The following USH2A variants were observed in gnomAD, a reference collection of about 807,000 sequenced individuals.
USH2A encodes the protein Usher syndrome 2A (autosomal recessive, mild).
Under a neutral mutation model 538.9 loss-of-function variants are expected in USH2A, and 443 were observed. The observed-to-expected ratio is 0.82, with a 90% CI of 0.76 to 0.89. The LOEUF is 0.89. Among genes scored for constraint, USH2A ranks in the 40% least tolerant of loss-of-function variants. The probability of loss-of-function intolerance (pLI) is 0.00; values close to 1 mark genes in which losing one functional copy is unlikely to be tolerated. For missense variants in USH2A, 6,633 were observed against 6,324.8 expected, an observed-to-expected ratio of 1.05 and a Z score of -1.65; for synonymous variants, 2,413 against 2,273.5, an observed-to-expected ratio of 1.06 and a Z score of -1.75.
At chr1:216,016,112 A>G (rs1468198233) in intron 32 of USH2A, among the ~76,000 whole-genome samples, 1 of 138,754 alleles carries the variant, frequency 7.2e-6, no homozygotes, top group African/African-American at 2.7e-5. Flanking sequence ...CAAACACCGC[A>G]TGTTCTCACT....
chr1:216,122,609 G>T (rs1197155062), intron 21 of USH2A, among the ~76,000 whole-genome samples: 1 of 152,074 alleles, frequency 6.6e-6, no homozygotes, highest in East Asian at 1.9e-4. Flanking sequence ...AAATGGGAGT[G>T]GTATATGTGG....
chr1:215,986,705 C>T (rs1356817692), intron 35 of USH2A, among the ~76,000 whole-genome samples: 1 of 152,224 alleles, frequency 6.6e-6, no homozygotes, highest in African/African-American at 2.4e-5. Context: ...ACCTATATTA[C>T]ATAATCATCA....
At chr1:216,328,929 T>G (rs2037791199) in intron 4 of USH2A, among the ~76,000 whole-genome samples, 1 of 152,178 alleles carries the variant, frequency 6.6e-6, no homozygotes, top group Admixed American at 6.6e-5. Flanking sequence ...ATTTCTTCAT[T>G]AGTGTATTCT....
At chr1:216,089,191 A>ATGTGTGTGTTTATTTGT in intron 22 of USH2A, 52 bp from the exon 23 acceptor site, 1 of 1,564,928 alleles carries the variant, frequency 6.4e-7, no homozygotes, top group Non-Finnish European at 8.8e-7. Flanking sequence ...ATCTACAAAT[A>ATGTGTGTGTTTATTTGT]AACACACACA....
chr1:215,856,298 A>G (rs923956624), intron 44 of USH2A, among the ~76,000 whole-genome samples: 1 of 152,190 alleles, frequency 6.6e-6, no homozygotes, highest in Non-Finnish European at 1.5e-5. Context: ...CTGACAAAGG[A>G]CTAATATCCA....
intron 55 of USH2A, among the ~76,000 whole-genome samples, chr1:215,770,990 G>GGT (rs1314609977): frequency 3.3e-5 from 5 of 150,950 alleles, no homozygotes; most frequent in Admixed American, 1.3e-4. Flanking sequence ...AGCCAGGCGT[G>GGT]GTGGTGCATG....
chr1:216,413,919 G>T (rs560704835), intron 3 of USH2A, among the ~76,000 whole-genome samples: 1 of 152,128 alleles, frequency 6.6e-6, no homozygotes, highest in African/African-American at 2.4e-5. Context: ...ACTGCTTAAG[G>T]CAAAATATAT....
intron 35 of USH2A, 76 bp from the exon 36 acceptor site, chr1:215,970,852 T>G (rs1001661835): frequency 1.1e-5 from 16 of 1,410,800 alleles, no homozygotes; most frequent in Middle Eastern, 2.2e-4. Flanking sequence ...CAAGCACTCT[T>G]GATGTGATTT....
At chr1:215,711,502 T>A (rs1037628679) in intron 61 of USH2A, among the ~76,000 whole-genome samples, 1 of 152,188 alleles carries the variant, frequency 6.6e-6, no homozygotes, top group African/African-American at 2.4e-5. Context: ...TCAAAGAGAA[T>A]CTTTCCATTT....
chr1:216,120,914 A>C (rs2033125024), intron 21 of USH2A, among the ~76,000 whole-genome samples: 1 of 151,638 alleles, frequency 6.6e-6, no homozygotes, highest in African/African-American at 2.4e-5. Context: ...TGAGACAGCA[A>C]GAACAAGCAA....
intron 60 of USH2A, among the ~76,000 whole-genome samples, chr1:215,730,810 G>A (rs907702499): frequency 6.6e-5 from 10 of 152,076 alleles, no homozygotes; most frequent in Non-Finnish European, 1.3e-4. Flanking sequence ...CCTCATTATT[G>A]CTCACTACCA....
intron 61 of USH2A, among the ~76,000 whole-genome samples, chr1:215,716,575 G>A (rs1659494829): frequency 6.6e-6 from 1 of 152,116 alleles, no homozygotes; most frequent in Non-Finnish European, 1.5e-5. Context: ...CACTACTTGT[G>A]TCTTGTCAAA....
At chr1:216,384,326 A>G (rs1398564626) in intron 3 of USH2A, among the ~76,000 whole-genome samples, 1 of 152,180 alleles carries the variant, frequency 6.6e-6, no homozygotes, top group Non-Finnish European at 1.5e-5. Flanking sequence ...AGAAGCAAAA[A>G]ATACATGTGG....
intron 40 of USH2A, among the ~76,000 whole-genome samples, chr1:215,896,224 T>C (rs894626231): frequency 6.6e-6 from 1 of 152,098 alleles, no homozygotes; most frequent in Non-Finnish European, 1.5e-5. Flanking sequence ...AATTTTAAAC[T>C]ACAAATTTGG....
intron 21 of USH2A, among the ~76,000 whole-genome samples, chr1:216,125,736 C>A (rs1360285141): frequency 1.3e-5 from 2 of 152,136 alleles, no homozygotes; most frequent in Non-Finnish European, 2.9e-5. Flanking sequence ...GAAAAAATAA[C>A]TAGGCTAGAA....
rs79788220 is a variant in USH2A at position 216,330,665 on chromosome 1, C to T, written c.785-3011G>A. Among the ~76,000 whole-genome samples, 948 of 151,894 alleles carry T rather than the reference C, an allele frequency of 6.2e-3. 7 individuals are homozygous for T. The highest frequency in any genetic ancestry group is 0.02 in the Middle Eastern group (6 of 294). ...TTGTTATATATACAAAGTCTAATAG[C>T]CTACTGTAAGAAATTTGATTTCTGG... On this transcript the variant is annotated intron_variant, in intron 4 of 71. Transcript: ENST00000307340.
At chr1:216,224,862 A>G (rs1458979721) in intron 14 of USH2A, among the ~76,000 whole-genome samples, 2 of 152,196 alleles carry the variant, frequency 1.3e-5, no homozygotes, top group Admixed American at 1.3e-4. Context: ...CCCTTTCATA[A>G]TAATAAGTTA....
intron 3 of USH2A, among the ~76,000 whole-genome samples, chr1:216,387,802 C>T (rs923264953): frequency 6.6e-6 from 1 of 152,130 alleles, no homozygotes; most frequent in East Asian, 1.9e-4. Context: ...CTTATTTTAA[C>T]ATTTAACCTG....
At chr1:216,083,687 A>G (rs1359533589) in intron 25 of USH2A, 101 bp from the exon 26 acceptor site, 7 of 1,180,770 alleles carry the variant, frequency 5.9e-6, no homozygotes, top group Non-Finnish European at 7.2e-6. Context: ...CCACTGAGTA[A>G]ATCTCACAAA....
Sources: allele counts gnomAD v4.1 joint callset (sites outside exome capture counted in the v4.1 genomes callset), GRCh38; gene constraint gnomAD v4.1.1; transcripts MANE v1.5; gene names NCBI Gene and HGNC (gene_info 2026-07-23, HGNC 2026-07-21).